The following COL4A1 variants were observed in gnomAD, a reference collection of about 807,000 sequenced individuals.
COL4A1 encodes the protein collagen type IV alpha 1 chain.
In COL4A1, 40 loss-of-function variants were observed where a neutral mutation model predicts 216.6. The observed-to-expected ratio is 0.18, with a 90% CI of 0.14 to 0.24. The LOEUF (loss-of-function observed/expected upper bound fraction) is 0.24. Ranked by LOEUF, COL4A1 falls within the 10% of genes least tolerant of loss-of-function variation. COL4A1 has a pLI of 1.00. For missense variants in COL4A1, 1,628 were observed against 2,196.8 expected, an observed-to-expected ratio of 0.74 and a Z score of 5.18; for synonymous variants, 839 against 810.7, an observed-to-expected ratio of 1.03 and a Z score of -0.59.
intron 43 of COL4A1, among the ~76,000 whole-genome samples, chr13:110,168,257 T>C (rs1877434684): frequency 2.6e-5 from 4 of 152,172 alleles, no homozygotes; most frequent in African/African-American, 9.7e-5. Context: ...TCAGGTGATC[T>C]GCCCACCTCG....
At chr13:110,294,233 A>T (rs1418508796) in intron 1 of COL4A1, among the ~76,000 whole-genome samples, 2 of 152,234 alleles carry the variant, frequency 1.3e-5, no homozygotes, top group Non-Finnish European at 2.9e-5. Flanking sequence ...TGATGATTAC[A>T]AGAGCATCTC....
At chr13:110,186,302 C>A (rs1203049152) in intron 26 of COL4A1, 83 bp downstream of exon 26, 2 of 1,570,054 alleles carry the variant, frequency 1.3e-6, no homozygotes, top group African/African-American at 2.7e-5. Flanking sequence ...TATGCGAACC[C>A]CAGGCCTCTG....
intron 46 of COL4A1, among the ~76,000 whole-genome samples, 161 bp downstream of exon 46, chr13:110,164,701 T>C (rs901261464): frequency 1.3e-5 from 2 of 152,242 alleles, no homozygotes; most frequent in Non-Finnish European, 2.9e-5. Flanking sequence ...AAAAATGTCA[T>C]AGGTTTTGAT....
At position 110,170,692 on chromosome 13, in the gene COL4A1, G is replaced by C; in HGVS notation, c.3597C>G (p.Ser1199Arg). ...CTCCTTTGGATCCAGGAATTCCTGG[G>C]CTCCCGGCTAATCCTGGGAAACCCA... ...GEVGFPGLAG[S>R]PGIPGSKGEQ... is the part of the protein sequence containing the mutation. Residue 1199 changes from serine to arginine, a missense_variant, in exon 42 of 52, where the codon AGC becomes AGG. By Grantham distance (110) the Ser-to-Arg change is moderately radical. Coordinates refer to ENST00000375820, the MANE Select transcript of COL4A1 (RefSeq NM_001845.6). 1 of 1,614,208 alleles carries C rather than the reference G, an allele frequency of 6.2e-7. No individual in the cohort carries two copies. The highest frequency in any genetic ancestry group is 8.5e-7 in the Non-Finnish European group (1 of 1,180,042).
intron 47 of COL4A1, among the ~76,000 whole-genome samples, chr13:110,163,189 C>G (rs1877165750): frequency 6.6e-6 from 1 of 152,210 alleles, no homozygotes; most frequent in Non-Finnish European, 1.5e-5. Flanking sequence ...CAGCTCACAT[C>G]CCACTTAGGA....
At chr13:110,276,106 T>C (rs567096923) in intron 1 of COL4A1, among the ~76,000 whole-genome samples, 2 of 151,762 alleles carry the variant, frequency 1.3e-5, no homozygotes, top group East Asian at 2.0e-4. Context: ...CTGTAGCCAA[T>C]GACCCACTCT....
At chr13:110,157,367 A>G (rs1351024694) in intron 49 of COL4A1, among the ~76,000 whole-genome samples, 1 of 152,200 alleles carries the variant, frequency 6.6e-6, no homozygotes, top group Non-Finnish European at 1.5e-5. Context: ...TTCTGCTCAA[A>G]ACGAAGGCTT....
rs759390141 is a variant in COL4A1, at chr13:110,198,577, T to A, written c.1175A>T (p.Glu392Val). ...ACCAGGAAATCCTCGGTCACCTTTT[T>A]CTCCTCTTTCACCAGGGAAGCCAGG... is the stretch of plus-strand genomic sequence containing the variant. ...GAPGFPGERG[E>V]KGDRGFPGTS... The change falls in exon 21 of 52, where the codon GAA (glutamate) becomes GTA (valine). Residue 392 changes from glutamate (E) to valine (V), a missense_variant. Transcript: ENST00000375820. 1 of 1,614,038 alleles carries A rather than the reference T, an allele frequency of 6.2e-7. No individual in the cohort carries two copies.
chr13:110,270,427 G>C (rs1883203755), intron 1 of COL4A1, among the ~76,000 whole-genome samples: 1 of 152,234 alleles, frequency 6.6e-6, no homozygotes, highest in African/African-American at 2.4e-5. Context: ...CCAAGGTTCT[G>C]ATGCAAATGG....
chr13:110,291,452 C>T (rs1291948843), intron 1 of COL4A1, among the ~76,000 whole-genome samples: 5 of 152,310 alleles, frequency 3.3e-5, no homozygotes, highest in African/African-American at 1.2e-4. Context: ...TTAGTAATTT[C>T]ACCCAGGTCA....
chr13:110,163,250 G>A (rs779419541), intron 47 of COL4A1, among the ~76,000 whole-genome samples: 2 of 152,212 alleles, frequency 1.3e-5, no homozygotes, highest in South Asian at 2.1e-4. Flanking sequence ...TCTGGGAAAC[G>A]TACACTTTGA....
At chr13:110,271,003 G>T (rs142282178) in intron 1 of COL4A1, among the ~76,000 whole-genome samples, 1 of 152,118 alleles carries the variant, frequency 6.6e-6, no homozygotes, top group Non-Finnish European at 1.5e-5. Context: ...AGACACATGC[G>T]CCAGCTGGAA....
chr13:110,306,998 C>T lies in COL4A1; in HGVS notation c.30G>A (p.Leu10=), dbSNP rs1180982429. The T allele has an allele frequency of 6.1e-6, 9 of 1,477,746 alleles. No individual in the cohort carries two copies. In the East Asian group the frequency reaches 2.6e-4, roughly 43 times the overall value. 91.5% of individuals were successfully genotyped at this position (1,477,746 alleles called of 1,614,324 possible). A position where few individuals can be genotyped will look rare whatever the true frequency, so the allele number is the denominator to read the frequency against. Residue 10 remains leucine (L), a synonymous_variant, in exon 1 of 52, where the codon CTG becomes CTA. Coordinates refer to ENST00000375820, the MANE Select transcript of COL4A1 (RefSeq NM_001845.6). ...GGAGCAGAAGGGCGGCGGGCAGCAG[C>T]AGCAGCCAGACGCTGAGCCGGGGCC... MGPRLSVWL[L]LLPAALLLHE...
At chr13:110,167,259 T>C (rs774810742) in intron 43 of COL4A1, 29 bp from the exon 44 acceptor site, 3 of 1,556,846 alleles carry the variant, frequency 1.9e-6, no homozygotes, top group African/African-American at 2.7e-5. Context: ...GGTTGGGAAT[T>C]GCTCAGGATA....
At chr13:110,283,415 G>A (rs530211607) in intron 1 of COL4A1, among the ~76,000 whole-genome samples, 17 of 152,280 alleles carry the variant, frequency 1.1e-4, no homozygotes, top group African/African-American at 3.6e-4. Flanking sequence ...AATGTGAGCC[G>A]TGCCCAAGCC....
chr13:110,200,160 C>T (rs591037), intron 20 of COL4A1, among the ~76,000 whole-genome samples: 2 of 152,156 alleles, frequency 1.3e-5, no homozygotes, highest in African/African-American at 4.8e-5. Flanking sequence ...TGCTAGGGCA[C>T]GTGAGCGTTT....
rs1048193363 is a variant in COL4A1 at position 110,191,787 on chromosome 13, C to T, written c.1536+427G>A. 11 of 594,790 alleles carry T rather than the reference C, an allele frequency of 1.8e-5. No homozygotes were observed. The East Asian group carries it at 3.1e-4, about 17-fold the overall frequency. The allele number at this position is 594,790 out of a possible 1,614,324, so 36.8% of individuals were successfully genotyped here. A position where few individuals can be genotyped will look rare whatever the true frequency, so the allele number is the denominator to read the frequency against. On this transcript the variant is annotated intron_variant, in intron 24 of 51. Coordinates refer to ENST00000375820, the MANE Select transcript of COL4A1 (RefSeq NM_001845.6). ...TATTGATGCTGAACCTACTGACTAACCAGCTTTTAGATGATCTGATATGAT... is the reference window on the plus strand; with the variant it reads ...TATTGATGCTGAACCTACTGACTAATCAGCTTTTAGATGATCTGATATGAT...
chr13:110,217,657 G>C (rs554202086), intron 2 of COL4A1, among the ~76,000 whole-genome samples: 1 of 152,308 alleles, frequency 6.6e-6, no homozygotes, highest in South Asian at 2.1e-4. Flanking sequence ...CTGAACATCA[G>C]TGCAATGCAG....
At chr13:110,219,682 A>ATACATG (rs1880292004) in intron 2 of COL4A1, among the ~76,000 whole-genome samples, 5 of 133,690 alleles carry the variant, frequency 3.7e-5, no homozygotes, top group African/African-American at 1.5e-4. Flanking sequence ...ATATATGTGT[A>ATACATG]TATATATGTA....
Sources: gnomAD v4.1 joint callset for allele counts (sites outside exome capture counted in the v4.1 genomes callset) on GRCh38, gnomAD v4.1.1 for gene constraint, MANE v1.5 for transcripts, NCBI Gene and HGNC (gene_info 2026-07-23, HGNC 2026-07-21) for gene names.